Variants in PITPNB observed in about 807,000 individuals in gnomAD.
The protein encoded by PITPNB is phosphatidylinositol transfer protein beta isoform.
PITPNB carries 16 observed loss-of-function variants against 45.9 expected under a neutral mutation model. That is an observed-to-expected ratio of 0.35 (90% CI 0.24 to 0.53). PITPNB has a LOEUF of 0.53. PITPNB is among the 20% of genes least tolerant of loss of function. PITPNB has a pLI of 0.93. For missense variants in PITPNB, 188 were observed against 330.5 expected (o/e 0.57, Z 3.34); for synonymous variants, 112 against 108.9 (o/e 1.03, Z -0.18).
At chr22:27,912,292 G>C (rs2064259) in intron 2 of PITPNB, among the ~76,000 whole-genome samples, 4 of 152,058 alleles carry the variant, frequency 2.6e-5, no homozygotes, top group African/African-American at 9.7e-5. Context: ...ACTCAATTTG[G>C]AAGTGTTTGG....
At chr22:27,909,841 G>C (rs930423506) in intron 3 of PITPNB, among the ~76,000 whole-genome samples, 2 of 152,038 alleles carry the variant, frequency 1.3e-5, no homozygotes, top group South Asian at 4.1e-4. Flanking sequence ...CTGAAGTGCA[G>C]TGATCACAGC....
At position 27,894,607 on chromosome 22, in the gene PITPNB, GT is replaced by G; in HGVS notation, c.403del (p.Thr135LeufsTer7). On this transcript the variant is annotated frameshift_variant, in exon 7 of 12. Transcript: ENST00000335272. LOFTEE classifies it high-confidence loss of function. ...AATATCTATATGGACAATTTCAACA[GT>G]TTTCCATGTGTTTGGATCTAAACCA... ...VHGLDPNTWKTVEIVHIDIAD... is the reference protein window; with the variant it reads ...VHGLDPNTWKXVEIVHIDIAD... The G allele has an allele frequency of 6.2e-7, 1 of 1,605,818 alleles. No homozygotes were observed. The highest frequency in any genetic ancestry group is 8.5e-7 in the Non-Finnish European group (1 of 1,173,214).
At chr22:27,889,055 T>C (rs926459756) in intron 7 of PITPNB, among the ~76,000 whole-genome samples, 1 of 152,184 alleles carries the variant, frequency 6.6e-6, no homozygotes, top group Non-Finnish European at 1.5e-5. Context: ...GCTGCAGAAC[T>C]GTGTGTTCAA....
intron 1 of PITPNB, among the ~76,000 whole-genome samples, chr22:27,917,745 T>C (rs1936124393): frequency 6.6e-6 from 1 of 152,160 alleles, no homozygotes; most frequent in Non-Finnish European, 1.5e-5. Flanking sequence ...AACAAACTCA[T>C]GGCCCTTACA....
At chr22:27,900,485 C>T (rs1436831589) in intron 3 of PITPNB, among the ~76,000 whole-genome samples, 2 of 152,226 alleles carry the variant, frequency 1.3e-5, no homozygotes, top group East Asian at 3.9e-4. Context: ...ACTTTTCCCA[C>T]CATGTGAATT....
At position 27,855,619 on chromosome 22, in the gene PITPNB, C is replaced by T. The variant is rs997463785; in HGVS notation, c.769-680G>A. Among the ~76,000 whole-genome samples the T allele has an allele frequency of 3.1e-3, 477 of 152,282 alleles. 6 individuals carry two copies. The highest frequency in any genetic ancestry group is 0.011 in the African/African-American group (457 of 41,582). ...ACTCAACACATCCTCACCCCCACCC[C>T]GGAACCGGAGGTGCCAGTTAAGAAC... On this transcript the variant is annotated intron_variant, in intron 10 of 11. Transcript: ENST00000335272.
chr22:27,907,459 C>T (rs1935798235), intron 3 of PITPNB, among the ~76,000 whole-genome samples: 1 of 152,220 alleles, frequency 6.6e-6, no homozygotes, highest in South Asian at 2.1e-4. Context: ...CTCCAGAGGA[C>T]AGCAAATGGG....
intron 7 of PITPNB, among the ~76,000 whole-genome samples, chr22:27,874,485 G>A (rs1934761212): frequency 6.6e-6 from 1 of 152,192 alleles, no homozygotes; most frequent in African/African-American, 2.4e-5. Context: ...ACAGGGGAAA[G>A]GCTCTAAAAT....
chr22:27,890,722 G>A (rs186084243), intron 7 of PITPNB, among the ~76,000 whole-genome samples: 41 of 152,332 alleles, frequency 2.7e-4, no homozygotes, highest in African/African-American at 9.9e-4. Flanking sequence ...GCTGAGGCAG[G>A]AGAATGGTGT....
chr22:27,876,245 T>G (rs1934815886), intron 7 of PITPNB, among the ~76,000 whole-genome samples: 1 of 152,162 alleles, frequency 6.6e-6, no homozygotes, highest in African/African-American at 2.4e-5. Flanking sequence ...ATTTCAAAAA[T>G]ACCAAGAAGC....
At chr22:27,896,908 G>T in intron 5 of PITPNB, 1 of 614,466 alleles carries the variant, frequency 1.6e-6, no homozygotes, top group Non-Finnish European at 2.9e-6. Flanking sequence ...TTTGAAGGGA[G>T]TAACAAAAGC....
intron 7 of PITPNB, among the ~76,000 whole-genome samples, chr22:27,886,207 C>A (rs1005080506): frequency 1.3e-5 from 2 of 152,174 alleles, no homozygotes; most frequent in African/African-American, 4.8e-5. Context: ...TCTGAAGGGA[C>A]AAAAGATACT....
chr22:27,893,653 G>C (rs1160626886), intron 7 of PITPNB, among the ~76,000 whole-genome samples: 11 of 142,518 alleles, frequency 7.7e-5, no homozygotes, highest in African/African-American at 2.9e-4. Context: ...GCAGTGGTAC[G>C]ATCACGGCTC....
intron 6 of PITPNB, 149 bp downstream of exon 6, chr22:27,896,403 C>T: frequency 1.5e-6 from 1 of 661,044 alleles, no homozygotes; most frequent in Non-Finnish European, 2.7e-6. Context: ...TATTTGGTTT[C>T]TGGCTGCTTG....
chr22:27,909,207 C>CTTTT (rs34224616), intron 3 of PITPNB, among the ~76,000 whole-genome samples: 42 of 82,228 alleles, frequency 5.1e-4, no homozygotes, highest in Non-Finnish European at 7.4e-4. Flanking sequence ...ACTGGTAGTA[C>CTTTT]TTTTTTTTTT....
intron 1 of PITPNB, 142 bp downstream of exon 1, chr22:27,919,030 G>T (rs543974034): frequency 1.0e-5 from 13 of 1,252,216 alleles, no homozygotes; most frequent in Middle Eastern, 1.9e-4. Context: ...GCTTCGAAGG[G>T]GCCGGGGGAG....
At chr22:27,911,446 A>G (rs1935919305) in intron 2 of PITPNB, among the ~76,000 whole-genome samples, 1 of 152,218 alleles carries the variant, frequency 6.6e-6, no homozygotes, top group South Asian at 2.1e-4. Flanking sequence ...TTTGTACTTT[A>G]CAAAGCATTT....
At chr22:27,890,502 C>T (rs113488629) in intron 7 of PITPNB, among the ~76,000 whole-genome samples, 23 of 152,014 alleles carry the variant, frequency 1.5e-4, no homozygotes, top group Non-Finnish European at 2.9e-4. Context: ...GTAGAAAAAA[C>T]CCAAATGTCC....
At chr22:27,861,024 G>GAAAA (rs35013749) in intron 8 of PITPNB, among the ~76,000 whole-genome samples, 10 of 57,826 alleles carry the variant, frequency 1.7e-4, no homozygotes, top group South Asian at 6.7e-4. Context: ...CCCATTTCTG[G>GAAAA]AAAAAAAAAA....
Sources: gnomAD v4.1 joint callset for allele counts (sites outside exome capture counted in the v4.1 genomes callset) on GRCh38, gnomAD v4.1.1 for gene constraint, MANE v1.5 for transcripts, NCBI Gene and HGNC (gene_info 2026-07-23, HGNC 2026-07-21) for gene names.